Variants in PHYKPL observed in about 807,000 individuals in gnomAD.
PHYKPL encodes the protein 5-phosphonooxy-L-lysine phospho-lyase.
Under a neutral mutation model 51.3 loss-of-function variants are expected in PHYKPL, and 42 were observed. The ratio of observed to expected loss-of-function variants is 0.82; its 90% CI spans 0.64 to 1.06. The LOEUF is 1.06. Among genes scored for constraint, PHYKPL ranks in the 50% least tolerant of loss-of-function variants. The probability of loss-of-function intolerance (pLI) is 0.00; values close to 1 mark genes in which losing one functional copy is unlikely to be tolerated. For missense variants in PHYKPL, 655 were observed against 586.6 expected (o/e 1.12, Z -1.20); for synonymous variants, 264 against 236.0 (o/e 1.12, Z -1.09).
intron 1 of PHYKPL, chr5:178,231,972 C>G (rs1324331803): frequency 2.4e-6 from 3 of 1,225,640 alleles, no homozygotes; most frequent in Middle Eastern, 3.6e-4. Flanking sequence ...GGTGCCAGCC[C>G]TAAGCTCCAG....
At chr5:178,210,555 C>A in intron 12 of PHYKPL, 1 of 1,613,902 alleles carries the variant, frequency 6.2e-7, no homozygotes, top group South Asian at 1.1e-5. Context: ...GTCCCTAGGT[C>A]AGGGTAGTAC....
In PHYKPL at chr5:178,211,851, G is replaced by A. The variant is rs570085493; in HGVS notation, c.*31+39C>T. 28 of 1,476,774 alleles carry A rather than the reference G, an allele frequency of 1.9e-5. No individual in the cohort carries two copies. The East Asian group carries it at 3.0e-4, about 16-fold the overall frequency. 91.5% of individuals were successfully genotyped at this position (1,476,774 alleles called of 1,614,324 possible). A position where few individuals can be genotyped will look rare whatever the true frequency, so the allele number is the denominator to read the frequency against. Reference sequence around the variant, plus strand: ...GCTTGCTGCTGATGGTAAGGAACCCGCTGTGCATCTTCAAGAGTAAGAAGC... The same window carrying A: ...GCTTGCTGCTGATGGTAAGGAACCCACTGTGCATCTTCAAGAGTAAGAAGC... On this transcript the variant is annotated intron_variant, in intron 12 of 12. Coordinates refer to ENST00000308158, the MANE Select transcript of PHYKPL (RefSeq NM_153373.4).
intron 6 of PHYKPL, chr5:178,223,762 G>A (rs889620191): frequency 5.1e-5 from 16 of 316,760 alleles, no homozygotes; most frequent in African/African-American, 1.3e-4. Context: ...CTCACCTGTC[G>A]CCAACAGTCT....
chr5:178,219,452 ATT>A (rs528510112), intron 8 of PHYKPL, among the ~76,000 whole-genome samples: 23 of 141,912 alleles, frequency 1.6e-4, no homozygotes, highest in African/African-American at 5.4e-4. Flanking sequence ...ACAAATAGGC[ATT>A]TTTTTTTTTT....
chr5:178,229,735 A>G, intron 3 of PHYKPL: 1 of 548,842 alleles, frequency 1.8e-6, no homozygotes, highest in Non-Finnish European at 3.1e-6. Context: ...AAAGGAGGTA[A>G]TAACATCCTT....
intron 6 of PHYKPL, chr5:178,223,740 C>G (rs938366773): frequency 5.9e-6 from 2 of 337,054 alleles, no homozygotes; most frequent in South Asian, 2.2e-5. Context: ...TCAGTGAAGC[C>G]TTCAGAGAGC....
intron 7 of PHYKPL, 96 bp downstream of exon 7, chr5:178,222,756 C>A: frequency 7.0e-7 from 1 of 1,429,704 alleles, no homozygotes; most frequent in South Asian, 1.3e-5. Context: ...AAAATTCTGG[C>A]AGTCAGGACA....
Position 178,223,394 on chromosome 5 carries a change from C to T in PHYKPL, c.619-460G>A, listed in dbSNP as rs563564770. 4.2e-5 allele frequency: 19 copies of T among 456,584 alleles called. No individual in the cohort carries two copies. In the East Asian group the frequency reaches 1.2e-3, roughly 28 times the overall value. The allele number at this position is 456,584 out of a possible 1,614,324, so 28.3% of individuals were successfully genotyped here. A position where few individuals can be genotyped will look rare whatever the true frequency, so the allele number is the denominator to read the frequency against. On this transcript the variant is annotated intron_variant, in intron 6 of 12. Transcript: ENST00000308158. Reference sequence around the variant, plus strand: ...TTCTAACTGAATGCCTTTTCCAGTCCATCCTCCACATGGCCACCAGGGTGA... The same window carrying T: ...TTCTAACTGAATGCCTTTTCCAGTCTATCCTCCACATGGCCACCAGGGTGA...
In PHYKPL at chr5:178,223,867, A is replaced by G. The variant is rs1011742487; in HGVS notation, c.618+581T>C. On this transcript the variant is annotated intron_variant, in intron 6 of 12. Coordinates refer to ENST00000308158, the MANE Select transcript of PHYKPL (RefSeq NM_153373.4). The stretch of plus-strand genomic sequence containing the variant: ...TACTGCCCCCGTCAGGCCTCCCCAC[A>G]GCTCACTTGGGGCCTGCTGGCCACT... 12 of 206,594 alleles carry G rather than the reference A, an allele frequency of 5.8e-5. No homozygotes were observed. The Admixed American group carries it at 6.5e-4, about 11-fold the overall frequency. 12.8% of individuals were successfully genotyped at this position (206,594 alleles called of 1,614,324 possible). A position where few individuals can be genotyped will look rare whatever the true frequency, so the allele number is the denominator to read the frequency against.
chr5:178,224,547 G>A lies in PHYKPL; in HGVS notation c.519C>T (p.Thr173=). ...GGTCCTCCCGGTAGGGGCCCCGGTA[G>A]GTGTCTGGGAGAGGTGCCTGTGGGG... The part of the protein sequence containing the change: ...EWVHVAPLPD[T]YRGPYREDHP... The change falls in exon 6 of 13, where the codon ACC becomes ACT. Residue 173 remains threonine (T), a synonymous_variant. Coordinates refer to ENST00000308158, the MANE Select transcript of PHYKPL (RefSeq NM_153373.4). The A allele has an allele frequency of 6.2e-7, 1 of 1,614,258 alleles. No individual in the cohort carries two copies. Among genetic ancestry groups the A allele is most frequent in the Non-Finnish European group, 8.5e-7 (1 of 1,180,032 alleles).
At chr5:178,227,123 G>A (rs952267948) in intron 3 of PHYKPL, among the ~76,000 whole-genome samples, 3 of 151,730 alleles carry the variant, frequency 2.0e-5, no homozygotes, top group East Asian at 1.9e-4. Context: ...GCAATGGCCC[G>A]TATGTGAATG....
chr5:178,225,254 C>G, intron 4 of PHYKPL, 101 bp downstream of exon 4: 1 of 1,394,894 alleles, frequency 7.2e-7, no homozygotes, highest in South Asian at 1.2e-5. Flanking sequence ...GCCCAGGCCC[C>G]TTATCCTCCC....
Position 178,211,937 on chromosome 5 carries a change from A to C in PHYKPL, c.1337T>G (p.Leu446Arg). 6.2e-7 allele frequency: 1 copy of C among 1,614,218 alleles called. No homozygotes were observed. The highest frequency in any genetic ancestry group is 1.7e-5 in the Admixed American group (1 of 60,026). Residue 446 changes from leucine to arginine, a missense_variant, in exon 12 of 13, where the codon CTG becomes CGG. By Grantham distance (102) the Leu-to-Arg change is moderately radical (BLOSUM62 -2). Transcript: ENST00000308158. Reference sequence around the variant, plus strand: ...AGGGCTGGCTTAGGGCTGGAGCCTCAGCGTTTCACAACTTCTCACCTTCTC... The same window carrying C: ...AGGGCTGGCTTAGGGCTGGAGCCTCCGCGTTTCACAACTTCTCACCTTCTC... ...MEEKVRSCET[L>R]RLQP is the part of the protein sequence containing the mutation.
intron 12 of PHYKPL, chr5:178,209,424 G>A (rs371554188): frequency 1.9e-6 from 3 of 1,614,186 alleles, no homozygotes; most frequent in Non-Finnish European, 2.5e-6. Context: ...AACCGAGGCA[G>A]CGGAGGTGGT....
chr5:178,215,298 G>A lies in PHYKPL; in HGVS notation c.1060C>T (p.His354Tyr). 1 of 1,614,104 alleles carries A rather than the reference G, an allele frequency of 6.2e-7. No homozygotes were observed. Among genetic ancestry groups the A allele is most frequent in the Non-Finnish European group, 8.5e-7 (1 of 1,179,990 alleles). Residue 354 changes from histidine to tyrosine, a missense_variant, in exon 9 of 13, where the codon CAT (histidine) becomes TAT (tyrosine). By Grantham distance (83) the His-to-Tyr change is moderately conservative. Transcript: ENST00000308158. ...MQLLGQQKIK[H>Y]PIVGDVRGVG... Reference sequence around the variant, plus strand: ...CACCTGACATCCCCGACGATGGGATGTTTGATTTTTTGCTGCCCGAGGAGC... The same window carrying A: ...CACCTGACATCCCCGACGATGGGATATTTGATTTTTTGCTGCCCGAGGAGC...
intron 10 of PHYKPL, 114 bp from the exon 11 acceptor site, chr5:178,213,217 C>A: frequency 2.1e-6 from 3 of 1,396,842 alleles, no homozygotes; most frequent in Non-Finnish European, 1.9e-6. Context: ...TGGGCCAGTT[C>A]CTGCCAGGTC....
rs753405855 is a variant in PHYKPL, at chr5:178,231,452, T to A, written c.131A>T (p.Asp44Val). The A allele has an allele frequency of 3.1e-6, 5 of 1,614,188 alleles. No individual in the cohort carries two copies. Among genetic ancestry groups the A allele is most frequent in the Non-Finnish European group, 4.2e-6 (5 of 1,180,030 alleles). Residue 44 changes from aspartate to valine, a missense_variant, in exon 2 of 13, where the codon GAT becomes GTT. Coordinates refer to ENST00000308158, the MANE Select transcript of PHYKPL (RefSeq NM_153373.4). The stretch of plus-strand genomic sequence containing the variant: ...ATCGATGTATTCTGCCCCCTGTTCA[T>A]CGTACATGTACTGCCCTTGGGCCCG... ...IVRAQGQYMY[D>V]EQGAEYIDCI...
At chr5:178,210,662 T>G in intron 12 of PHYKPL, 1 of 1,504,386 alleles carries the variant, frequency 6.6e-7, no homozygotes, top group South Asian at 1.1e-5. Flanking sequence ...CACACATGCT[T>G]TGTTTGGATA....
intron 12 of PHYKPL, 91 bp from the exon 13 acceptor site, chr5:178,209,006 TGTG>T (rs1354092478): frequency 7.2e-6 from 2 of 278,584 alleles, no homozygotes; most frequent in African/African-American, 4.4e-5. Context: ...AGGACCAAGG[TGTG>T]GTGCCTGGTC....
Sources: allele counts gnomAD v4.1 joint callset (sites outside exome capture counted in the v4.1 genomes callset), GRCh38; gene constraint gnomAD v4.1.1; transcripts MANE v1.5; gene names NCBI Gene and HGNC (gene_info 2026-07-23, HGNC 2026-07-21).